Variants in LSAMP observed in about 807,000 individuals in gnomAD.
LSAMP encodes the protein limbic system-associated membrane protein.
Under a neutral mutation model 38.6 loss-of-function variants are expected in LSAMP, and 7 were observed. The ratio of observed to expected loss-of-function variants is 0.18; its 90% CI spans 0.10 to 0.34. The LOEUF is 0.34. Ranked by LOEUF, LSAMP falls within the 10% of genes least tolerant of loss-of-function variation. The probability of loss-of-function intolerance (pLI) is 1.00; values close to 1 mark genes in which losing one functional copy is unlikely to be tolerated. For missense variants in LSAMP, 313 were observed against 420.0 expected (o/e 0.75, Z 2.23); for synonymous variants, 154 against 166.8 (o/e 0.92, Z 0.59).
intron 3 of LSAMP, among the ~76,000 whole-genome samples, chr3:115,859,531 C>A (rs561382592): frequency 6.6e-6 from 1 of 152,152 alleles, no homozygotes. Context: ...TAGAAATGTT[C>A]CCTATTTGAA....
chr3:116,167,033 C>T lies in LSAMP; in HGVS notation c.156-80477G>A, dbSNP rs562956369. On this transcript the variant is annotated intron_variant, in intron 1 of 6. Coordinates refer to ENST00000490035, the MANE Select transcript of LSAMP (RefSeq NM_002338.5). Reference sequence around the variant, plus strand: ...GTCTTGATCTCCTGACCTCGTGATCCGCCCGCCTTGGCCTCCCAAAGTGCT... The same window carrying T: ...GTCTTGATCTCCTGACCTCGTGATCTGCCCGCCTTGGCCTCCCAAAGTGCT... Among the ~76,000 whole-genome samples, 26 of 152,108 alleles carry T rather than the reference C, an allele frequency of 1.7e-4. No homozygotes were observed. In the East Asian group the frequency reaches 2.9e-3, roughly 17 times the overall value.
At chr3:116,341,432 G>A (rs2047993864) in intron 1 of LSAMP, among the ~76,000 whole-genome samples, 1 of 151,858 alleles carries the variant, frequency 6.6e-6, no homozygotes, top group Non-Finnish European at 1.5e-5. Flanking sequence ...AACTTTGCAG[G>A]TGATAAGTGA....
intron 1 of LSAMP, among the ~76,000 whole-genome samples, chr3:116,339,760 G>A (rs1299067226): frequency 6.6e-6 from 1 of 152,034 alleles, no homozygotes; most frequent in Non-Finnish European, 1.5e-5. Flanking sequence ...AGACGTCACT[G>A]TAAGCATTTT....
intron 1 of LSAMP, chr3:116,369,738 C>T (rs1273785480): frequency 6.6e-6 from 1 of 152,402 alleles, no homozygotes; most frequent in African/African-American, 2.4e-5. Context: ...TATAAATAAC[C>T]ATACATGGAG....
At chr3:116,391,190 G>C (rs1052778119) in intron 1 of LSAMP, among the ~76,000 whole-genome samples, 3 of 152,074 alleles carry the variant, frequency 2.0e-5, no homozygotes, top group African/African-American at 7.2e-5. Context: ...TGATAGTACT[G>C]ATGTCAGCAG....
intron 3 of LSAMP, among the ~76,000 whole-genome samples, chr3:115,903,521 T>C (rs1227117911): frequency 1.3e-5 from 2 of 152,124 alleles, no homozygotes; most frequent in South Asian, 2.1e-4. Context: ...GTCAACAAAG[T>C]GGTTGGCTTG....
chr3:115,924,611 T>C (rs1450532245), intron 3 of LSAMP, among the ~76,000 whole-genome samples: 1 of 152,200 alleles, frequency 6.6e-6, no homozygotes, highest in Non-Finnish European at 1.5e-5. Flanking sequence ...TTTTGAAAGA[T>C]TATTTCCTTT....
intron 2 of LSAMP, among the ~76,000 whole-genome samples, chr3:116,069,424 A>G (rs1707546345): frequency 1.3e-5 from 2 of 152,218 alleles, no homozygotes; most frequent in African/African-American, 4.8e-5. Flanking sequence ...GCAGGCTATC[A>G]CTATTGTTAG....
chr3:116,040,333 G>A (rs1043855072), intron 2 of LSAMP, among the ~76,000 whole-genome samples: 1 of 152,164 alleles, frequency 6.6e-6, no homozygotes, highest in Admixed American at 6.5e-5. Flanking sequence ...ATCTGTCTTC[G>A]CTGAAAGGAG....
In LSAMP at chr3:115,805,592, T is replaced by C. The variant is rs1255843475; in HGVS notation, c.*4725A>G. ...GGTTTAAAATAAGTTTTCCATAATA[T>C]TCATAAACATTTTCGCTGGTGTAAA... On this transcript the variant is annotated 3_prime_UTR_variant, in exon 7 of 7. Transcript: ENST00000490035. 6.6e-6 allele frequency: 1 copy of C among 152,190 alleles called. No homozygotes were observed. Among genetic ancestry groups the C allele is most frequent in the Non-Finnish European group, 1.5e-5 (1 of 68,028 alleles). 9.4% of individuals were successfully genotyped at this position (152,190 alleles called of 1,614,324 possible).
At chr3:116,214,700 A>G (rs1286271469) in intron 1 of LSAMP, among the ~76,000 whole-genome samples, 1 of 151,788 alleles carries the variant, frequency 6.6e-6, no homozygotes, top group Non-Finnish European at 1.5e-5. Flanking sequence ...ACGGGGTTTC[A>G]CCATGTTGGC....
At chr3:116,007,820 G>A (rs868776460) in intron 3 of LSAMP, among the ~76,000 whole-genome samples, 90 of 152,126 alleles carry the variant, frequency 5.9e-4, no homozygotes, top group African/African-American at 2.0e-3. Context: ...CAGGGGTTCT[G>A]TAAGTTTACT....
chr3:115,869,301 A>AGAGAGAGAGAGAGACT, intron 3 of LSAMP, among the ~76,000 whole-genome samples: 1 of 151,570 alleles, frequency 6.6e-6, no homozygotes, highest in South Asian at 2.1e-4. Context: ...AGAGAGAGAG[A>AGAGAGAGAGAGAGACT]GACTGACTGA....
At chr3:116,347,851 A>G (rs2048084525) in intron 1 of LSAMP, among the ~76,000 whole-genome samples, 1 of 152,150 alleles carries the variant, frequency 6.6e-6, no homozygotes, top group Non-Finnish European at 1.5e-5. Context: ...AAAAATATCG[A>G]ATGAGAAAAG....
intron 2 of LSAMP, among the ~76,000 whole-genome samples, chr3:116,058,411 C>T (rs2204800): frequency 6.6e-6 from 1 of 150,658 alleles, no homozygotes; most frequent in Admixed American, 6.6e-5. Context: ...TTTGCTCTAT[C>T]TACAAAGCTT....
chr3:116,110,565 A>G (rs376702511), intron 1 of LSAMP, among the ~76,000 whole-genome samples: 1 of 152,164 alleles, frequency 6.6e-6, no homozygotes, highest in African/African-American at 2.4e-5. Flanking sequence ...GAAGGGAGAG[A>G]TTGAAGTGTG....
chr3:116,323,663 G>A (rs1400931236), intron 1 of LSAMP, among the ~76,000 whole-genome samples: 1 of 152,072 alleles, frequency 6.6e-6, no homozygotes, highest in Non-Finnish European at 1.5e-5. Context: ...TCTTGGAAAA[G>A]CAGAATCTTT....
intron 2 of LSAMP, among the ~76,000 whole-genome samples, chr3:116,072,237 A>G (rs1222291514): frequency 6.6e-6 from 1 of 151,904 alleles, no homozygotes; most frequent in Non-Finnish European, 1.5e-5. Context: ...GGCCTCCCAA[A>G]GTGCTGGGAT....
At chr3:116,160,629 C>T (rs1363276608) in intron 1 of LSAMP, among the ~76,000 whole-genome samples, 2 of 152,028 alleles carry the variant, frequency 1.3e-5, no homozygotes, top group Non-Finnish European at 2.9e-5. Context: ...GCAATTTACT[C>T]GTATTACAAA....
Sources: allele counts gnomAD v4.1 joint callset (sites outside exome capture counted in the v4.1 genomes callset), GRCh38; gene constraint gnomAD v4.1.1; transcripts MANE v1.5; gene names NCBI Gene and HGNC (gene_info 2026-07-23, HGNC 2026-07-21).